Variants in PRR5L observed in about 807,000 individuals in gnomAD.
PRR5L encodes proline-rich protein 5-like.
Under a neutral mutation model 36.4 loss-of-function variants are expected in PRR5L, and 21 were observed. The ratio of observed to expected loss-of-function variants is 0.58; its 90% confidence interval spans 0.41 to 0.83. The LOEUF (loss-of-function observed/expected upper bound fraction) is 0.83, where lower values mean the gene tolerates loss of function less well. PRR5L is among the 40% of genes least tolerant of loss of function. The pLI is 0.00. For missense variants in PRR5L, 381 were observed against 473.3 expected (o/e 0.80, Z 1.81); for synonymous variants, 188 against 197.0 (o/e 0.95, Z 0.38).
intron 3 of PRR5L, among the ~76,000 whole-genome samples, chr11:36,406,059 G>C (rs1048925453): frequency 6.6e-5 from 10 of 152,088 alleles, no homozygotes; most frequent in Admixed American, 6.5e-4. Flanking sequence ...GTGTCAGAAA[G>C]AGAGGTCTTA....
intron 1 of PRR5L, among the ~76,000 whole-genome samples, chr11:36,374,609 C>G (rs977064266): frequency 6.6e-6 from 1 of 152,126 alleles, no homozygotes; most frequent in Admixed American, 6.5e-5. Flanking sequence ...TCCCTGCAGC[C>G]GGGTAGAACT....
intron 1 of PRR5L, among the ~76,000 whole-genome samples, chr11:36,391,744 G>T (rs757997679): frequency 6.6e-6 from 1 of 152,146 alleles, no homozygotes; most frequent in Non-Finnish European, 1.5e-5. Context: ...GAGATATTTT[G>T]GTACAGGCAT....
chr11:36,459,497 T>C (rs1859134043), intron 8 of PRR5L, among the ~76,000 whole-genome samples: 1 of 152,204 alleles, frequency 6.6e-6, no homozygotes. Flanking sequence ...TCCTTCCTTC[T>C]GGAAAGGCAA....
At chr11:36,310,593 C>T (rs1856490206) in intron 1 of PRR5L, among the ~76,000 whole-genome samples, 1 of 152,158 alleles carries the variant, frequency 6.6e-6, no homozygotes, top group East Asian at 1.9e-4. Flanking sequence ...GAAGCTAAAT[C>T]CTACCAGGGG....
At chr11:36,303,759 T>G (rs146009354) in intron 1 of PRR5L, among the ~76,000 whole-genome samples, 2 of 152,318 alleles carry the variant, frequency 1.3e-5, no homozygotes, top group Non-Finnish European at 2.9e-5. Flanking sequence ...TTAACTGGAA[T>G]GAAAAATTAA....
At chr11:36,359,872 A>G (rs974559666) in intron 1 of PRR5L, among the ~76,000 whole-genome samples, 1 of 152,164 alleles carries the variant, frequency 6.6e-6, no homozygotes, top group Admixed American at 6.5e-5. Flanking sequence ...CCCCATCTCT[A>G]CTAAAAATAC....
intron 1 of PRR5L, among the ~76,000 whole-genome samples, chr11:36,336,924 T>A (rs1856774573): frequency 6.6e-6 from 1 of 152,096 alleles, no homozygotes; most frequent in Non-Finnish European, 1.5e-5. Context: ...GACCTCTGTA[T>A]CCTGAGCATC....
intron 1 of PRR5L, among the ~76,000 whole-genome samples, chr11:36,373,795 C>T (rs2554012): frequency 0.64 from 97,601 of 151,864 alleles, 31,922 homozygotes; most frequent in Non-Finnish European, 0.7. Flanking sequence ...TTTAGACAGG[C>T]CTCATGATTA....
intron 7 of PRR5L, among the ~76,000 whole-genome samples, chr11:36,447,682 C>A (rs1028671649): frequency 6.6e-6 from 1 of 152,220 alleles, no homozygotes; most frequent in African/African-American, 2.4e-5. Flanking sequence ...ATCCTTCCCC[C>A]ACATCCCCCA....
intron 1 of PRR5L, among the ~76,000 whole-genome samples, chr11:36,351,779 A>C (rs1265481788): frequency 7.9e-5 from 2 of 25,338 alleles, no homozygotes; most frequent in African/African-American, 3.6e-4. Flanking sequence ...ATATATATTT[A>C]TATATTTTTT....
intron 3 of PRR5L, among the ~76,000 whole-genome samples, chr11:36,408,700 A>T (rs774675005): frequency 2.6e-5 from 4 of 152,164 alleles, no homozygotes; most frequent in Non-Finnish European, 4.4e-5. Flanking sequence ...CCTTCCAAGA[A>T]CAAGAGCAGC....
Position 36,401,048 on chromosome 11 carries a change from C to G in PRR5L, c.-74C>G. The G allele has an allele frequency of 1.9e-6, 3 of 1,567,284 alleles. No homozygotes were observed. Among genetic ancestry groups the G allele is most frequent in the East Asian group, 2.3e-5 (1 of 44,002 alleles). ...AAAGCCTGAGGGCCTGAAGGCAGCC[C>G]CTGGAGAAGCCCTTTCCGAGGGCAT... On this transcript the variant is annotated 5_prime_UTR_variant, in exon 2 of 9. Transcript: ENST00000530639.
At chr11:36,320,239 C>CT (rs34085047) in intron 1 of PRR5L, among the ~76,000 whole-genome samples, 1,035 of 94,886 alleles carry the variant, frequency 0.011, 20 homozygotes, top group African/African-American at 0.033. Flanking sequence ...AACTGGGAAT[C>CT]TTTTTTTTTT....
chr11:36,422,323 A>G (rs1858283588), intron 4 of PRR5L, among the ~76,000 whole-genome samples: 1 of 152,136 alleles, frequency 6.6e-6, no homozygotes, highest in Non-Finnish European at 1.5e-5. Context: ...AACTCCAGAA[A>G]GTGTGTTCCT....
At chr11:36,321,671 C>T (rs905685836) in intron 1 of PRR5L, 8 of 152,310 alleles carry the variant, frequency 5.3e-5, no homozygotes, top group East Asian at 1.9e-4. Context: ...TTTAATCCTC[C>T]GTGTTGTCGC....
chr11:36,403,183 C>A (rs1394364203), intron 2 of PRR5L, 115 bp from the exon 3 acceptor site: 22 of 769,616 alleles, frequency 2.9e-5, no homozygotes, highest in African/African-American at 3.5e-5. Flanking sequence ...GAGAGTGTGG[C>A]CAGGTTTGTG....
intron 1 of PRR5L, among the ~76,000 whole-genome samples, chr11:36,339,577 C>A (rs1036172594): frequency 2.0e-5 from 3 of 152,120 alleles, no homozygotes; most frequent in Non-Finnish European, 2.9e-5. Flanking sequence ...TTTCTTTTGA[C>A]ATCTAGGAGG....
At chr11:36,345,199 A>C (rs1490320515) in intron 1 of PRR5L, among the ~76,000 whole-genome samples, 1 of 152,058 alleles carries the variant, frequency 6.6e-6, no homozygotes, top group Non-Finnish European at 1.5e-5. Context: ...TATCTTCCCA[A>C]ACAGGATAGG....
At chr11:36,330,893 C>T (rs1376703771) in intron 1 of PRR5L, among the ~76,000 whole-genome samples, 3 of 150,580 alleles carry the variant, frequency 2.0e-5, no homozygotes, top group Admixed American at 2.0e-4. Flanking sequence ...GCAACCTTCA[C>T]CTCCTGGGTT....
Sources: allele counts gnomAD v4.1 joint callset (sites outside exome capture counted in the v4.1 genomes callset), GRCh38; gene constraint gnomAD v4.1.1; transcripts MANE v1.5; gene names NCBI Gene and HGNC (gene_info 2026-07-23, HGNC 2026-07-21).